VPS41: variants seen among roughly 807,000 people sequenced by gnomAD.
VPS41 encodes the protein vacuolar protein sorting-associated protein 41 homolog.
A neutral mutation model predicts 130.9 loss-of-function variants in VPS41; 85 were observed. The ratio of observed to expected loss-of-function variants is 0.65; its 90% confidence interval spans 0.55 to 0.78. The LOEUF (loss-of-function observed/expected upper bound fraction) is 0.78. VPS41 is among the 30% of genes least tolerant of loss of function. The probability of loss-of-function intolerance (pLI) is 0.00; values close to 1 mark genes in which losing one functional copy is unlikely to be tolerated. For missense variants in VPS41, 874 were observed against 1,018.7 expected, an observed-to-expected ratio of 0.86 and a Z score of 1.93; for synonymous variants, 335 against 332.9, an observed-to-expected ratio of 1.01 and a Z score of -0.07.
intron 23 of VPS41, among the ~76,000 whole-genome samples, chr7:38,744,074 C>T (rs1454606033): frequency 6.6e-6 from 1 of 152,190 alleles, no homozygotes; most frequent in African/African-American, 2.4e-5. Flanking sequence ...GCAAACTCAA[C>T]TATCAGAGGG....
intron 5 of VPS41, among the ~76,000 whole-genome samples, chr7:38,828,925 T>C (rs1490698094): frequency 1.3e-5 from 2 of 152,190 alleles, no homozygotes; most frequent in African/African-American, 2.4e-5. Flanking sequence ...AAGTATTTAG[T>C]AAAAATTCGT....
chr7:38,745,852 A>G, intron 22 of VPS41: 2 of 431,432 alleles, frequency 4.6e-6, no homozygotes, highest in South Asian at 6.9e-5. Flanking sequence ...ACATTTCATG[A>G]GCAAGAGTAG....
At chr7:38,891,894 A>G (rs1434755011) in intron 2 of VPS41, among the ~76,000 whole-genome samples, 1 of 152,140 alleles carries the variant, frequency 6.6e-6, no homozygotes, top group Non-Finnish European at 1.5e-5. Flanking sequence ...TTCTAAATAC[A>G]GAAATGAGTA....
intron 1 of VPS41, among the ~76,000 whole-genome samples, chr7:38,908,710 G>A (rs990780590): frequency 6.6e-6 from 1 of 152,322 alleles, no homozygotes. Flanking sequence ...CAGTGCTCCA[G>A]CTCTGTACCT....
chr7:38,831,858 G>C (rs962050481), intron 4 of VPS41, among the ~76,000 whole-genome samples: 6 of 152,144 alleles, frequency 3.9e-5, no homozygotes, highest in Admixed American at 3.9e-4. Context: ...GCAAATAAAC[G>C]AAGTTTCCAT....
chr7:38,810,054 G>A (rs1374771067), intron 7 of VPS41, among the ~76,000 whole-genome samples: 3 of 150,710 alleles, frequency 2.0e-5, no homozygotes, highest in Admixed American at 6.6e-5. Context: ...ATTGGTTCAC[G>A]TGTTTGAAAG....
At chr7:38,740,727 T>C (rs899037555) in intron 25 of VPS41, among the ~76,000 whole-genome samples, 1 of 152,128 alleles carries the variant, frequency 6.6e-6, no homozygotes, top group Non-Finnish European at 1.5e-5. Flanking sequence ...ATCTTTAGAC[T>C]TCTTCACTTT....
intron 2 of VPS41, among the ~76,000 whole-genome samples, chr7:38,884,933 T>C (rs1386085580): frequency 6.6e-6 from 1 of 152,216 alleles, no homozygotes; most frequent in Non-Finnish European, 1.5e-5. Context: ...TCAACTGTAA[T>C]CTTGAAATGT....
intron 9 of VPS41, among the ~76,000 whole-genome samples, chr7:38,794,278 T>G (rs1205042045): frequency 6.6e-6 from 1 of 152,166 alleles, no homozygotes; most frequent in Non-Finnish European, 1.5e-5. Context: ...ATAGGCACAG[T>G]TTCCTTCCTG....
chr7:38,818,250 A>G (rs1343444175), intron 6 of VPS41, among the ~76,000 whole-genome samples: 1 of 40,268 alleles, frequency 2.5e-5, no homozygotes, highest in African/African-American at 1.4e-4. Flanking sequence ...AAAACAAAAC[A>G]AAAAAAAAAA....
intron 7 of VPS41, among the ~76,000 whole-genome samples, chr7:38,808,511 T>C (rs1310237222): frequency 2.6e-5 from 4 of 152,184 alleles, no homozygotes; most frequent in African/African-American, 9.7e-5. Context: ...TAAATAAAGG[T>C]ATGTATTTAC....
chr7:38,845,548 A>T (rs1394039620), intron 4 of VPS41, among the ~76,000 whole-genome samples: 2 of 152,112 alleles, frequency 1.3e-5, no homozygotes, highest in African/African-American at 4.8e-5. Flanking sequence ...AGAAAGTTAA[A>T]TTTCTCTTAA....
rs1795937376 is a variant in VPS41 at position 38,744,018 on chromosome 7, T to A, written c.1982-476A>T. 2.0e-5 allele frequency among the ~76,000 whole-genome samples: 3 copies of A among 152,228 alleles called. No individual in the cohort carries two copies. The South Asian group carries it at 6.2e-4, about 31-fold the overall frequency. On this transcript the variant is annotated intron_variant, in intron 23 of 28. Coordinates refer to ENST00000310301, the MANE Select transcript of VPS41 (RefSeq NM_014396.4). Reference sequence around the variant, plus strand: ...AAGGCCCTAAAGTCATTCTGCCTCATGAGGTAGCTGTGCATACTGCTTTTC... The same window carrying A: ...AAGGCCCTAAAGTCATTCTGCCTCAAGAGGTAGCTGTGCATACTGCTTTTC...
At chr7:38,809,732 C>G (rs941302233) in intron 7 of VPS41, among the ~76,000 whole-genome samples, 5 of 152,158 alleles carry the variant, frequency 3.3e-5, no homozygotes, top group Admixed American at 3.3e-4. Context: ...TCCCCTCATT[C>G]TATCCCACCG....
At chr7:38,884,514 T>C (rs1786679139) in intron 2 of VPS41, among the ~76,000 whole-genome samples, 1 of 151,726 alleles carries the variant, frequency 6.6e-6, no homozygotes, top group Non-Finnish European at 1.5e-5. Context: ...GGTAACACAA[T>C]TTTTTTTTAT....
chr7:38,800,671 T>C (rs1015630340), intron 7 of VPS41, among the ~76,000 whole-genome samples: 1 of 151,964 alleles, frequency 6.6e-6, no homozygotes, highest in Admixed American at 6.6e-5. Context: ...CCGTCTCTAC[T>C]AAAAATACAA....
intron 9 of VPS41, 28 bp downstream of exon 9, chr7:38,795,437 G>T (rs1306060532): frequency 6.2e-7 from 1 of 1,601,198 alleles, no homozygotes; most frequent in East Asian, 2.2e-5. Flanking sequence ...TAACAACACG[G>T]ACTTATTATA....
chr7:38,839,377 G>A (rs1479068774), intron 4 of VPS41, among the ~76,000 whole-genome samples: 3 of 152,204 alleles, frequency 2.0e-5, no homozygotes, highest in African/African-American at 7.2e-5. Flanking sequence ...ACAAAAACAA[G>A]TACAAATACT....
intron 10 of VPS41, among the ~76,000 whole-genome samples, chr7:38,788,622 G>C (rs549659100): frequency 6.6e-6 from 1 of 152,156 alleles, no homozygotes; most frequent in African/African-American, 2.4e-5. Context: ...TTTCTAGTAG[G>C]CAAGGAAAGA....
Sources: allele counts gnomAD v4.1 joint callset (sites outside exome capture counted in the v4.1 genomes callset), GRCh38; gene constraint gnomAD v4.1.1; transcripts MANE v1.5; gene names NCBI Gene and HGNC (gene_info 2026-07-23, HGNC 2026-07-21).